Variants in COL26A1 observed in about 807,000 individuals in gnomAD.
The protein encoded by COL26A1 is collagen alpha-1(XXVI) chain.
In COL26A1, 41 loss-of-function variants were observed where a neutral mutation model predicts 59.3. That is an observed-to-expected ratio of 0.69 (90% CI 0.54 to 0.90). COL26A1 has a LOEUF of 0.90. Ranked by LOEUF, COL26A1 falls within the 40% of genes least tolerant of loss-of-function variation. The pLI is 0.00. For synonymous variants in COL26A1, 266 were observed against 256.0 expected (o/e 1.04, Z -0.37); for missense variants, 612 against 602.3 (o/e 1.02, Z -0.17).
chr7:101,467,955 C>T (rs558202921), intron 3 of COL26A1, among the ~76,000 whole-genome samples: 22 of 152,208 alleles, frequency 1.4e-4, no homozygotes, highest in African/African-American at 5.3e-4. Context: ...GCACGGCTGC[C>T]GGCATTTACA....
chr7:101,443,327 A>G (rs750884030), intron 2 of COL26A1, among the ~76,000 whole-genome samples: 3 of 152,126 alleles, frequency 2.0e-5, no homozygotes, highest in Non-Finnish European at 4.4e-5. Flanking sequence ...TCCAGGGGGA[A>G]ACTGGTTTGC....
At position 101,557,495 on chromosome 7, in the gene COL26A1, C is replaced by G; in HGVS notation, c.1291C>G (p.Gln431Glu). Reference protein sequence around the residue: ...LAALLGPDPGQKSVDQASSRK With the variant: ...LAALLGPDPGEKSVDQASSRK ...TGCCCTGCTTGGGCCCGACCCTGGACAGAAGAGCGTGGACCAGGCCAGCAG... is the reference window on the plus strand; with the variant it reads ...TGCCCTGCTTGGGCCCGACCCTGGAGAGAAGAGCGTGGACCAGGCCAGCAG... The change falls in exon 13 of 13, where the codon CAG (glutamine) becomes GAG (glutamate). Residue 431 changes from glutamine to glutamate, a missense_variant. Transcript: ENST00000313669. 6.8e-6 allele frequency: 11 copies of G among 1,613,518 alleles called. No individual in the cohort carries two copies. Among genetic ancestry groups the G allele is most frequent in the Non-Finnish European group, 9.3e-6 (11 of 1,179,676 alleles).
Position 101,547,250 on chromosome 7 carries a change from G to A in COL26A1, c.940+11G>A. On this transcript the variant is annotated intron_variant, in intron 8 of 12. Transcript: ENST00000313669. ...CCCCTGGTCCACCAGGTAAGTGAATGGTGGGCTGGCCTGCATTGAGGACTC... is the reference window on the plus strand; with the variant it reads ...CCCCTGGTCCACCAGGTAAGTGAATAGTGGGCTGGCCTGCATTGAGGACTC... 6.4e-7 allele frequency: 1 copy of A among 1,561,290 alleles called. No homozygotes were observed. The highest frequency in any genetic ancestry group is 8.7e-7 in the Non-Finnish European group (1 of 1,151,516).
chr7:101,414,256 C>T (rs536065134), intron 1 of COL26A1, among the ~76,000 whole-genome samples: 1 of 152,242 alleles, frequency 6.6e-6, no homozygotes, highest in East Asian at 1.9e-4. Context: ...TTCCAATTCA[C>T]AGCTCATTTC....
At chr7:101,476,177 TGA>T (rs1031146747) in intron 3 of COL26A1, among the ~76,000 whole-genome samples, 1 of 143,282 alleles carries the variant, frequency 7.0e-6, no homozygotes, top group Non-Finnish European at 1.5e-5. Context: ...TGTGTGTGTG[TGA>T]GTAGAGATGG....
At chr7:101,483,673 A>G (rs569727218) in intron 3 of COL26A1, among the ~76,000 whole-genome samples, 155 of 116,654 alleles carry the variant, frequency 1.3e-3, no homozygotes, top group African/African-American at 6.4e-3. Context: ...ATGTCCAGCT[A>G]ACTTTGTTTT....
intron 7 of COL26A1, 132 bp downstream of exon 7, chr7:101,545,622 T>C (rs1169422687): frequency 4.3e-6 from 4 of 923,910 alleles, no homozygotes; most frequent in Non-Finnish European, 6.2e-6. Flanking sequence ...ACTGGCTCAC[T>C]CCTGCAGGCC....
intron 1 of COL26A1, among the ~76,000 whole-genome samples, chr7:101,387,810 C>T (rs1791629748): frequency 7.4e-6 from 1 of 135,238 alleles, no homozygotes; most frequent in Non-Finnish European, 1.5e-5. Flanking sequence ...CACTGTGTCA[C>T]CCAGGCTGGA....
At position 101,428,637 on chromosome 7, in the gene COL26A1, A is replaced by G. The variant is rs182597199; in HGVS notation, c.281+8538A>G. On this transcript the variant is annotated intron_variant, in intron 2 of 12. Coordinates refer to ENST00000313669, the MANE Select transcript of COL26A1 (RefSeq NM_001278563.3). The stretch of plus-strand genomic sequence containing the variant: ...GTAAGGTTGTGGTGGACTTTGTGCA[A>G]GGTTGTGGTTTTTGCAGTCTTTTGT... Among the ~76,000 whole-genome samples, 37 of 152,012 alleles carry G rather than the reference A, an allele frequency of 2.4e-4. No individual in the cohort carries two copies. In the East Asian group the frequency reaches 6.8e-3, roughly 28 times the overall value.
chr7:101,530,427 G>A (rs1333318506), intron 3 of COL26A1, among the ~76,000 whole-genome samples: 1 of 151,808 alleles, frequency 6.6e-6, no homozygotes, highest in East Asian at 1.9e-4. Context: ...AACTAGCCGG[G>A]CGTGGTGATG....
At chr7:101,540,080 G>A (rs1347676429) in intron 5 of COL26A1, 31 bp downstream of exon 5, 2 of 1,590,508 alleles carry the variant, frequency 1.3e-6, no homozygotes, top group South Asian at 1.1e-5. Flanking sequence ...GGACAGGCTG[G>A]GGCAGCCGAA....
At chr7:101,455,967 C>T (rs1026636340) in intron 3 of COL26A1, among the ~76,000 whole-genome samples, 2 of 151,436 alleles carry the variant, frequency 1.3e-5, no homozygotes, top group African/African-American at 4.8e-5. Flanking sequence ...ATTACAGGCG[C>T]GAGCCACTGC....
chr7:101,503,804 G>C (rs1394442327), intron 3 of COL26A1, among the ~76,000 whole-genome samples: 1 of 152,240 alleles, frequency 6.6e-6, no homozygotes, highest in African/African-American at 2.4e-5. Context: ...GCACTGGTCA[G>C]GTTTGTGAGC....
chr7:101,544,680 C>G (rs1169325468), intron 6 of COL26A1, among the ~76,000 whole-genome samples: 3 of 151,598 alleles, frequency 2.0e-5, no homozygotes, highest in Non-Finnish European at 4.4e-5. Context: ...TTACAGGTGC[C>G]TGCCACCATG....
intron 3 of COL26A1, among the ~76,000 whole-genome samples, chr7:101,522,290 C>A (rs1795155231): frequency 1.3e-5 from 2 of 152,190 alleles, no homozygotes; most frequent in Admixed American, 1.3e-4. Flanking sequence ...TGCACCTGTG[C>A]CCAACTGGCT....
Position 101,440,080 on chromosome 7 carries a change from C to G in COL26A1, c.282-7604C>G, listed in dbSNP as rs138697847. ...CTGGATCTGCATTTTAGAAAGTTTG[C>G]CTAGGCCAGGGGCAGTGGCTCACGC... is the stretch of plus-strand genomic sequence containing the variant. On this transcript the variant is annotated intron_variant, in intron 2 of 12. Transcript: ENST00000313669. Among the ~76,000 whole-genome samples, 1,133 of 152,234 alleles carry G rather than the reference C, an allele frequency of 7.4e-3. 15 individuals carry two copies. Among genetic ancestry groups the G allele is most frequent in the African/African-American group, 0.026 (1,092 of 41,558 alleles).
chr7:101,370,983 C>A (rs1230818612), intron 1 of COL26A1, among the ~76,000 whole-genome samples: 7 of 152,130 alleles, frequency 4.6e-5, no homozygotes, highest in Non-Finnish European at 8.8e-5. Flanking sequence ...TCCCTCCTTG[C>A]AGATGGAGTC....
At chr7:101,401,662 AGAGGAG>A (rs879944886) in intron 1 of COL26A1, among the ~76,000 whole-genome samples, 6 of 52,736 alleles carry the variant, frequency 1.1e-4, no homozygotes, top group South Asian at 1.1e-3. Context: ...TGGAGGAGGA[AGAGGAG>A]GAAGAAGATG....
chr7:101,488,349 AATAT>A (rs368433793), intron 3 of COL26A1, among the ~76,000 whole-genome samples: 5,343 of 104,774 alleles, frequency 0.051, 146 homozygotes, highest in African/African-American at 0.11. Flanking sequence ...AATTTTATTT[AATAT>A]ATATATATAT....
Sources: allele counts gnomAD v4.1 joint callset (sites outside exome capture counted in the v4.1 genomes callset), GRCh38; gene constraint gnomAD v4.1.1; transcripts MANE v1.5; gene names NCBI Gene and HGNC (gene_info 2026-07-23, HGNC 2026-07-21).